INSYN2B: variants seen among roughly 807,000 people sequenced by gnomAD.
INSYN2B encodes the protein protein INSYN2B.
A neutral mutation model predicts 41.2 loss-of-function variants in INSYN2B; 16 were observed. The observed-to-expected ratio is 0.39, with a 90% CI of 0.26 to 0.59. The LOEUF (loss-of-function observed/expected upper bound fraction) is 0.59. Among genes scored for constraint, INSYN2B ranks in the 20% least tolerant of loss-of-function variants. The probability of loss-of-function intolerance (pLI) is 0.57; values close to 1 mark genes in which losing one functional copy is unlikely to be tolerated. For missense variants in INSYN2B, 608 were observed against 646.4 expected (o/e 0.94, Z 0.64); for synonymous variants, 245 against 244.4 (o/e 1.00, Z -0.02).
At chr5:169,979,655 A>T (rs956139898) in intron 1 of INSYN2B, among the ~76,000 whole-genome samples, 4 of 152,212 alleles carry the variant, frequency 2.6e-5, no homozygotes, top group African/African-American at 9.7e-5. Flanking sequence ...CAGAAGTAAA[A>T]CACTGTCATT....
chr5:169,972,574 TA>T (rs68003736), intron 1 of INSYN2B, among the ~76,000 whole-genome samples: 5,813 of 65,488 alleles, frequency 0.089, 201 homozygotes, highest in African/African-American at 0.18. Context: ...GATAGATAGA[TA>T]GATAGATAGA....
At chr5:169,972,586 T>TAGATGATAGATAGATA (rs1554122913) in intron 1 of INSYN2B, among the ~76,000 whole-genome samples, 1 of 68,956 alleles carries the variant, frequency 1.5e-5, no homozygotes, top group Non-Finnish European at 2.9e-5. Flanking sequence ...GATAGATAGA[T>TAGATGATAGATAGATA]GATAGATAGA....
rs1247207480 is a variant in INSYN2B, at chr5:169,892,928, AT to A, written c.-918-8113del. ...CTTCTTCTCTTCTGTTTTCTCCAGC[AT>A]GGCTCCCCATTTCATTTCTCCCCTC... On this transcript the variant is annotated intron_variant, in intron 1 of 3. Coordinates refer to ENST00000377365, the MANE Select transcript of INSYN2B (RefSeq NM_001129891.3). Among the ~76,000 whole-genome samples, 444 of 151,714 alleles carry A rather than the reference AT, an allele frequency of 2.9e-3. 5 individuals are homozygous for A. Among genetic ancestry groups the A allele is most frequent in the African/African-American group, 0.01 (419 of 41,348 alleles).
In INSYN2B at chr5:169,882,833, C is replaced by T. The variant is rs771825263; in HGVS notation, c.1066G>A (p.Glu356Lys). Reference protein sequence around the residue: ...SASKSAPGCQEQTANNPTESD... With the variant: ...SASKSAPGCQKQTANNPTESD... ...TCGGTGGGGTTGTTTGCCGTCTGCT[C>T]CTGACACCCAGGGGCAGATTTCGAT... The change falls in exon 2 of 4, where the codon GAG becomes AAG. Residue 356 changes from glutamate to lysine, a missense_variant. Physicochemically the swap from Glu to Lys is moderately conservative, Grantham distance 56 (BLOSUM62 1). Coordinates refer to ENST00000377365, the MANE Select transcript of INSYN2B (RefSeq NM_001129891.3). 4 of 1,550,776 alleles carry T rather than the reference C, an allele frequency of 2.6e-6. No homozygotes were observed. The highest frequency in any genetic ancestry group is 2.6e-6 in the Non-Finnish European group (3 of 1,146,378).
chr5:169,939,019 T>C (rs1477039156), intron 1 of INSYN2B, among the ~76,000 whole-genome samples: 3 of 151,856 alleles, frequency 2.0e-5, no homozygotes, highest in African/African-American at 4.8e-5. Context: ...TTCTCCTACC[T>C]TAGCCTCGGG....
intron 1 of INSYN2B, among the ~76,000 whole-genome samples, chr5:169,958,901 C>G (rs1776969704): frequency 6.6e-6 from 1 of 152,062 alleles, no homozygotes; most frequent in Admixed American, 6.5e-5. Flanking sequence ...TTGTGTCTCT[C>G]AAAGACAATG....
intron 1 of INSYN2B, among the ~76,000 whole-genome samples, chr5:169,956,199 C>T (rs1394400398): frequency 6.6e-6 from 1 of 152,232 alleles, no homozygotes; most frequent in African/African-American, 2.4e-5. Flanking sequence ...CTCTAAGATT[C>T]ATCCTGGTTG....
chr5:169,942,880 G>A (rs1004832925), intron 1 of INSYN2B, among the ~76,000 whole-genome samples: 10 of 152,212 alleles, frequency 6.6e-5, no homozygotes, highest in African/African-American at 2.4e-4. Flanking sequence ...TCTGAACTCA[G>A]ATTTTCTTAC....
At chr5:169,891,567 A>C (rs985746052) in intron 1 of INSYN2B, among the ~76,000 whole-genome samples, 1 of 152,130 alleles carries the variant, frequency 6.6e-6, no homozygotes, top group Non-Finnish European at 1.5e-5. Flanking sequence ...TGTTCTAGAA[A>C]ATGTAGGGGA....
At chr5:169,931,854 G>T (rs1276956404) in intron 1 of INSYN2B, among the ~76,000 whole-genome samples, 1 of 152,212 alleles carries the variant, frequency 6.6e-6, no homozygotes, top group African/African-American at 2.4e-5. Context: ...CTTCTGAACT[G>T]CTTCCCTCCT....
intron 1 of INSYN2B, among the ~76,000 whole-genome samples, chr5:169,936,232 A>G (rs1266327169): frequency 6.6e-6 from 1 of 152,244 alleles, no homozygotes; most frequent in Non-Finnish European, 1.5e-5. Flanking sequence ...CCCAAGCGTG[A>G]TAACACTTCC....
At chr5:169,970,719 G>A (rs1447891656) in intron 1 of INSYN2B, among the ~76,000 whole-genome samples, 1 of 152,202 alleles carries the variant, frequency 6.6e-6, no homozygotes, top group Non-Finnish European at 1.5e-5. Context: ...ATAATCAGGG[G>A]AGATTTTAAA....
intron 1 of INSYN2B, among the ~76,000 whole-genome samples, chr5:169,906,922 TAG>T (rs975966910): frequency 2.6e-5 from 4 of 152,140 alleles, no homozygotes; most frequent in African/African-American, 9.7e-5. Flanking sequence ...AAATGCTGTC[TAG>T]AGGGAAATAC....
chr5:169,978,100 T>A (rs1777781470), intron 1 of INSYN2B, among the ~76,000 whole-genome samples: 1 of 152,092 alleles, frequency 6.6e-6, no homozygotes. Context: ...TTTATTTTAT[T>A]TTGGTCGTGC....
At chr5:169,892,988 CCCT>C (rs1380695813) in intron 1 of INSYN2B, among the ~76,000 whole-genome samples, 1 of 152,106 alleles carries the variant, frequency 6.6e-6, no homozygotes, top group Non-Finnish European at 1.5e-5. Context: ...ACCTTTCTTG[CCCT>C]CCTCTTTTCC....
In INSYN2B at chr5:169,882,586, T is replaced by C; in HGVS notation, c.1313A>G (p.Gln438Arg). The change falls in exon 2 of 4, where the codon CAA (glutamine) becomes CGA (arginine). Residue 438 changes from glutamine to arginine, a missense_variant. Coordinates refer to ENST00000377365, the MANE Select transcript of INSYN2B (RefSeq NM_001129891.3). ...GAGAGCTCGAGCTTTCTCCAAGTCT[T>C]GAATTACATTCAAAAGGACTTTAAT... Reference protein sequence around the residue: ...EKIKVLLNVIQDLEKARALTE... With the variant: ...EKIKVLLNVIRDLEKARALTE... The C allele has an allele frequency of 6.4e-7, 1 of 1,550,488 alleles. No individual in the cohort carries two copies. Among genetic ancestry groups the C allele is most frequent in the Non-Finnish European group, 8.7e-7 (1 of 1,145,918 alleles).
At chr5:169,972,854 G>A (rs922418677) in intron 1 of INSYN2B, among the ~76,000 whole-genome samples, 3 of 152,150 alleles carry the variant, frequency 2.0e-5, no homozygotes, top group Non-Finnish European at 4.4e-5. Flanking sequence ...GTTAAGCACT[G>A]CGGAATTGAG....
intron 1 of INSYN2B, among the ~76,000 whole-genome samples, chr5:169,889,249 A>T (rs1554113936): frequency 6.6e-6 from 1 of 152,040 alleles, no homozygotes. Context: ...CACTTCCAAC[A>T]TTTTTTTTCC....
chr5:169,888,785 A>T (rs1773120328), intron 1 of INSYN2B, among the ~76,000 whole-genome samples: 1 of 152,256 alleles, frequency 6.6e-6, no homozygotes, highest in Non-Finnish European at 1.5e-5. Context: ...CAGGATAGTC[A>T]GTGTTCACTC....
Sources: gnomAD v4.1 joint callset for allele counts (sites outside exome capture counted in the v4.1 genomes callset) on GRCh38, gnomAD v4.1.1 for gene constraint, MANE v1.5 for transcripts, NCBI Gene and HGNC (gene_info 2026-07-23, HGNC 2026-07-21) for gene names.